Variants in PCNX2 observed in about 807,000 individuals in gnomAD.
PCNX2 encodes pecanex-like protein 2.
In PCNX2, 168 loss-of-function variants were observed where a neutral mutation model predicts 223.8. The ratio of observed to expected loss-of-function variants is 0.75; its 90% CI spans 0.66 to 0.85. The LOEUF is 0.85. Ranked by LOEUF, PCNX2 falls within the 40% of genes least tolerant of loss-of-function variation. The pLI is 0.00. For synonymous variants in PCNX2, 1,006 were observed against 1,052.6 expected, an observed-to-expected ratio of 0.96 and a Z score of 0.86; for missense variants, 2,507 against 2,675.5, an observed-to-expected ratio of 0.94 and a Z score of 1.39.
At chr1:233,165,303 A>G (rs1678724656) in intron 17 of PCNX2, among the ~76,000 whole-genome samples, 1 of 152,202 alleles carries the variant, frequency 6.6e-6, no homozygotes, top group Admixed American at 6.5e-5. Context: ...GCTAGTGAAT[A>G]TATGCCTCCT....
intron 5 of PCNX2, among the ~76,000 whole-genome samples, chr1:233,256,146 A>C (rs546820478): frequency 6.6e-6 from 1 of 152,296 alleles, no homozygotes; most frequent in Admixed American, 6.5e-5. Flanking sequence ...CTCAATTTCC[A>C]GTTTAACCCT....
chr1:232,996,913 C>T (rs1466219893), intron 32 of PCNX2, among the ~76,000 whole-genome samples: 1 of 152,222 alleles, frequency 6.6e-6, no homozygotes, highest in African/African-American at 2.4e-5. Context: ...GCACACATGA[C>T]TCCTTCTTCA....
intron 5 of PCNX2, 90 bp downstream of exon 5, chr1:233,257,938 A>G: frequency 6.8e-7 from 1 of 1,463,712 alleles, no homozygotes; most frequent in East Asian, 2.4e-5. Context: ...TTGTCTCACT[A>G]TTTGCAAAAT....
At chr1:233,080,027 C>T (rs1673282635) in intron 23 of PCNX2, among the ~76,000 whole-genome samples, 1 of 152,148 alleles carries the variant, frequency 6.6e-6, no homozygotes, top group Admixed American at 6.5e-5. Context: ...TCCCACTTGC[C>T]TGTGCCCTAA....
intron 1 of PCNX2, among the ~76,000 whole-genome samples, chr1:233,282,862 C>T (rs776098600): frequency 8.6e-5 from 13 of 151,902 alleles, no homozygotes; most frequent in African/African-American, 2.7e-4. Context: ...TCAGCAAGGA[C>T]GGAGGAAAAG....
chr1:233,228,922 G>A (rs1302855474), intron 9 of PCNX2, among the ~76,000 whole-genome samples: 2 of 152,182 alleles, frequency 1.3e-5, no homozygotes, highest in African/African-American at 4.8e-5. Context: ...CCTCTAGGCT[G>A]ACAAATATAA....
intron 17 of PCNX2, among the ~76,000 whole-genome samples, chr1:233,166,362 A>G (rs1678794095): frequency 1.3e-5 from 2 of 152,142 alleles, no homozygotes; most frequent in African/African-American, 4.8e-5. Flanking sequence ...ATGGAGCACT[A>G]AAAGTTGGAA....
At chr1:233,290,158 G>C (rs534141288) in intron 1 of PCNX2, among the ~76,000 whole-genome samples, 1 of 151,868 alleles carries the variant, frequency 6.6e-6, no homozygotes, top group Non-Finnish European at 1.5e-5. Context: ...GGGGTATTAG[G>C]GGGTTAGGGG....
At chr1:233,082,611 G>T (rs984817143) in intron 23 of PCNX2, among the ~76,000 whole-genome samples, 3 of 152,100 alleles carry the variant, frequency 2.0e-5, no homozygotes, top group Non-Finnish European at 2.9e-5. Flanking sequence ...TAATTGCATT[G>T]TACTATTAAC....
At position 233,148,681 on chromosome 1, in the gene PCNX2, C is replaced by T. The variant is rs143568324; in HGVS notation, c.3518-8826G>A. On this transcript the variant is annotated intron_variant, in intron 19 of 33. Coordinates refer to ENST00000258229, the MANE Select transcript of PCNX2 (RefSeq NM_014801.4). The stretch of plus-strand genomic sequence containing the variant: ...CCTCCCAAAATGCTGGGATTACAGG[C>T]CTGAGCCACCATGCCCGGCCTTAAT... Among the ~76,000 whole-genome samples, 4 of 152,270 alleles carry T rather than the reference C, an allele frequency of 2.6e-5. No homozygotes were observed. In the East Asian group the frequency reaches 7.7e-4, roughly 29 times the overall value.
chr1:233,046,688 C>T (rs1170227941), intron 25 of PCNX2, among the ~76,000 whole-genome samples: 1 of 152,172 alleles, frequency 6.6e-6, no homozygotes, highest in Non-Finnish European at 1.5e-5. Context: ...TAGCAGAGAT[C>T]CTCCTGGGCA....
intron 12 of PCNX2, among the ~76,000 whole-genome samples, chr1:233,212,336 T>C (rs1241038079): frequency 6.6e-6 from 1 of 152,252 alleles, no homozygotes; most frequent in Non-Finnish European, 1.5e-5. Flanking sequence ...AAGGGTTAAA[T>C]AATTCTCACC....
At chr1:233,242,929 A>G (rs1372512931) in intron 8 of PCNX2, among the ~76,000 whole-genome samples, 1 of 152,232 alleles carries the variant, frequency 6.6e-6, no homozygotes, top group Non-Finnish European at 1.5e-5. Context: ...CCTACTAGCA[A>G]TTCTAAAGGC....
chr1:233,052,683 T>G (rs1214959444), intron 25 of PCNX2, among the ~76,000 whole-genome samples: 1 of 152,190 alleles, frequency 6.6e-6, no homozygotes, highest in Non-Finnish European at 1.5e-5. Context: ...GGTGGGGGCT[T>G]CATTTCTGTA....
At chr1:233,072,895 G>C (rs1248440895) in intron 23 of PCNX2, among the ~76,000 whole-genome samples, 3 of 152,170 alleles carry the variant, frequency 2.0e-5, no homozygotes, top group African/African-American at 7.2e-5. Context: ...TGGCCCCACA[G>C]AATGAGTTAG....
chr1:233,129,359 AC>A (rs1226130272), intron 21 of PCNX2, among the ~76,000 whole-genome samples: 1 of 152,002 alleles, frequency 6.6e-6, no homozygotes, highest in African/African-American at 2.4e-5. Context: ...AGGGCTCCTG[AC>A]CTGCAGCCCG....
At chr1:233,070,880 CA>C (rs1449221404) in intron 23 of PCNX2, among the ~76,000 whole-genome samples, 1 of 151,650 alleles carries the variant, frequency 6.6e-6, no homozygotes, top group Admixed American at 6.6e-5. Flanking sequence ...ACTAAAAATA[CA>C]AAAAAATTAG....
intron 23 of PCNX2, among the ~76,000 whole-genome samples, chr1:233,080,544 A>G (rs1334919030): frequency 2.0e-5 from 3 of 152,094 alleles, no homozygotes; most frequent in Admixed American, 6.6e-5. Flanking sequence ...GAAGTCCGAG[A>G]TGAGGGTGTC....
chr1:233,055,108 G>C (rs1311902864), intron 24 of PCNX2, among the ~76,000 whole-genome samples: 3 of 152,140 alleles, frequency 2.0e-5, no homozygotes, highest in African/African-American at 7.2e-5. Flanking sequence ...TGGTGATTAT[G>C]GGTAAAACCA....
Sources: gnomAD v4.1 joint callset for allele counts (sites outside exome capture counted in the v4.1 genomes callset) on GRCh38, gnomAD v4.1.1 for gene constraint, MANE v1.5 for transcripts, NCBI Gene and HGNC (gene_info 2026-07-23, HGNC 2026-07-21) for gene names.